The following CNTNAP2 variants were observed in gnomAD, a reference collection of about 807,000 sequenced individuals.
CNTNAP2 encodes the protein contactin-associated protein-like 2.
CNTNAP2 carries 98 observed loss-of-function variants against 155.2 expected under a neutral mutation model. That is an observed-to-expected ratio of 0.63 (90% confidence interval 0.54 to 0.75). The LOEUF is 0.75. Ranked by LOEUF, CNTNAP2 falls within the 30% of genes least tolerant of loss-of-function variation. The probability of loss-of-function intolerance (pLI) is 0.00; values close to 1 mark genes in which losing one functional copy is unlikely to be tolerated. For synonymous variants in CNTNAP2, 651 were observed against 631.2 expected (o/e 1.03, Z -0.47); for missense variants, 1,727 against 1,688.1 (o/e 1.02, Z -0.40).
intron 3 of CNTNAP2, among the ~76,000 whole-genome samples, chr7:146,883,739 G>T (rs1795600046): frequency 6.6e-6 from 1 of 151,880 alleles, no homozygotes; most frequent in African/African-American, 2.4e-5. Context: ...TAAAAATAAT[G>T]GCTCTAAACA....
chr7:146,713,709 C>T (rs1801138234), intron 1 of CNTNAP2, among the ~76,000 whole-genome samples: 1 of 152,082 alleles, frequency 6.6e-6, no homozygotes. Flanking sequence ...CATTCCTGAT[C>T]ATCCTACATG....
intron 22 of CNTNAP2, among the ~76,000 whole-genome samples, chr7:148,405,446 T>TTTTTTTTTTTTTTTTTTTTTGG (rs1799678093): frequency 1.4e-5 from 1 of 70,142 alleles, no homozygotes; most frequent in African/African-American, 3.6e-5. Context: ...TTTTTTTTTT[T>TTTTTTTTTTTTTTTTTTTTTGG]GAGACGGAGT....
At chr7:148,325,420 T>G (rs1320753050) in intron 21 of CNTNAP2, among the ~76,000 whole-genome samples, 1 of 152,242 alleles carries the variant, frequency 6.6e-6, no homozygotes, top group Non-Finnish European at 1.5e-5. Flanking sequence ...CTTAAGAACG[T>G]GAGTCACAAC....
intron 3 of CNTNAP2, among the ~76,000 whole-genome samples, chr7:146,932,641 C>T (rs140117575): frequency 0.016 from 2,406 of 146,852 alleles, 64 homozygotes; most frequent in African/African-American, 0.056. Flanking sequence ...AAGAGGAAGT[C>T]AAATTGTCCC....
chr7:146,959,954 A>G (rs1053071181), intron 3 of CNTNAP2, among the ~76,000 whole-genome samples: 1 of 152,104 alleles, frequency 6.6e-6, no homozygotes, highest in Non-Finnish European at 1.5e-5. Context: ...GTAAGAAGAG[A>G]GCAGGGGCTT....
At position 146,440,886 on chromosome 7, in the gene CNTNAP2, T is replaced by C. The variant is rs149205694; in HGVS notation, c.97+323913T>C. ...TATTAGAATTTAAGATAGGGAGATG[T>C]TAGTTCAGTGAAGCAGTATCTTCAT... On this transcript the variant is annotated intron_variant, in intron 1 of 23. Transcript: ENST00000361727. Among the ~76,000 whole-genome samples, 29 of 151,732 alleles carry C rather than the reference T, an allele frequency of 1.9e-4. No homozygotes were observed. In the East Asian group the frequency reaches 5.6e-3, roughly 29 times the overall value.
chr7:147,953,546 T>G (rs2116833142), intron 14 of CNTNAP2, among the ~76,000 whole-genome samples: 1 of 152,308 alleles, frequency 6.6e-6, no homozygotes, highest in African/African-American at 2.4e-5. Flanking sequence ...AAAGGAAATA[T>G]CAATTCTATT....
At chr7:147,558,414 A>T (rs965792765) in intron 11 of CNTNAP2, among the ~76,000 whole-genome samples, 3 of 152,280 alleles carry the variant, frequency 2.0e-5, no homozygotes, top group South Asian at 2.1e-4. Flanking sequence ...GATGAAATCT[A>T]TGCTTCTCCA....
At chr7:146,141,227 G>A (rs1167111887) in intron 1 of CNTNAP2, among the ~76,000 whole-genome samples, 1 of 152,136 alleles carries the variant, frequency 6.6e-6, no homozygotes, top group African/African-American at 2.4e-5. Flanking sequence ...ATTTGTCGTT[G>A]TTATATTGAA....
chr7:146,345,050 A>T (rs1794798669), intron 1 of CNTNAP2, among the ~76,000 whole-genome samples: 1 of 152,202 alleles, frequency 6.6e-6, no homozygotes, highest in South Asian at 2.1e-4. Flanking sequence ...ATTGGAATGG[A>T]TTTAAAATTT....
intron 21 of CNTNAP2, among the ~76,000 whole-genome samples, chr7:148,320,859 C>T (rs1317303510): frequency 6.6e-6 from 1 of 152,204 alleles, no homozygotes; most frequent in Non-Finnish European, 1.5e-5. Context: ...GTTTTAACCT[C>T]CTTAAAATGC....
intron 3 of CNTNAP2, among the ~76,000 whole-genome samples, chr7:146,855,961 C>T (rs1794974190): frequency 6.6e-6 from 1 of 150,700 alleles, no homozygotes; most frequent in Admixed American, 6.6e-5. Context: ...ATTATTAATA[C>T]AATTATCATC....
rs189789910 is a variant in CNTNAP2, at chr7:147,057,506, G to C, written c.550+13452G>C. ...GTAGGGATTAAAGTTTGCCATCCTC[G>C]ACATTGTTGATATTTCTGGCTCTAT... On this transcript the variant is annotated intron_variant, in intron 4 of 23. Coordinates refer to ENST00000361727, the MANE Select transcript of CNTNAP2 (RefSeq NM_014141.6). Among the ~76,000 whole-genome samples the C allele has an allele frequency of 2.8e-3, 423 of 152,202 alleles. 4 individuals are homozygous for C. Among genetic ancestry groups the C allele is most frequent in the Non-Finnish European group, 4.7e-3 (318 of 68,020 alleles).
intron 2 of CNTNAP2, among the ~76,000 whole-genome samples, chr7:146,800,621 G>T (rs1257545475): frequency 6.6e-6 from 1 of 152,174 alleles, no homozygotes; most frequent in Non-Finnish European, 1.5e-5. Context: ...AACTAGAAGA[G>T]GATTCCTTGA....
chr7:146,787,685 G>A (rs970546366), intron 2 of CNTNAP2, among the ~76,000 whole-genome samples: 3 of 152,154 alleles, frequency 2.0e-5, no homozygotes, highest in Non-Finnish European at 4.4e-5. Context: ...TGTCACTGCT[G>A]GCTGGGGTGG....
chr7:148,035,942 G>A (rs1303916179), intron 15 of CNTNAP2, among the ~76,000 whole-genome samples: 3 of 152,188 alleles, frequency 2.0e-5, no homozygotes, highest in Non-Finnish European at 4.4e-5. Context: ...AAGATTTAGT[G>A]TTCACCCTGT....
chr7:147,485,280 G>A (rs921774530), intron 10 of CNTNAP2, among the ~76,000 whole-genome samples: 4 of 152,092 alleles, frequency 2.6e-5, no homozygotes, highest in African/African-American at 9.7e-5. Context: ...GAAAACTAAG[G>A]TTCAGAAAGG....
chr7:148,292,972 T>C (rs1797214052), intron 21 of CNTNAP2, among the ~76,000 whole-genome samples: 1 of 152,178 alleles, frequency 6.6e-6, no homozygotes. Flanking sequence ...TCTTCTTTAT[T>C]TGCATATGAG....
intron 3 of CNTNAP2, among the ~76,000 whole-genome samples, chr7:147,016,022 G>T (rs1270877259): frequency 6.6e-6 from 1 of 152,086 alleles, no homozygotes; most frequent in Non-Finnish European, 1.5e-5. Context: ...TACTTTAAAA[G>T]TACTTACCTA....
Sources: allele counts gnomAD v4.1 joint callset (sites outside exome capture counted in the v4.1 genomes callset), GRCh38; gene constraint gnomAD v4.1.1; transcripts MANE v1.5; gene names NCBI Gene and HGNC (gene_info 2026-07-23, HGNC 2026-07-21).